Variants in NEBL observed in about 807,000 individuals in gnomAD.
The protein encoded by NEBL is LIM and SH3 protein 2.
In NEBL, 122 loss-of-function variants were observed where a neutral mutation model predicts 140.2. The ratio of observed to expected loss-of-function variants is 0.87; its 90% CI spans 0.75 to 1.01. The LOEUF is 1.01. Ranked by LOEUF, NEBL falls within the 50% of genes least tolerant of loss-of-function variation. The pLI is 0.00. For missense variants in NEBL, 1,365 were observed against 1,231.3 expected (o/e 1.11, Z -1.62); for synonymous variants, 436 against 398.9 (o/e 1.09, Z -1.11).
intron 3 of NEBL, among the ~76,000 whole-genome samples, chr10:21,229,191 C>T (rs952564361): frequency 6.6e-6 from 1 of 152,154 alleles, no homozygotes; most frequent in Non-Finnish European, 1.5e-5. Context: ...GAGGCCAAGG[C>T]GGGCAGATCA....
Position 20,840,807 on chromosome 10 carries a change from C to T in NEBL, c.1270G>A (p.Gly424Arg). Residue 424 changes from glycine (G) to arginine (R), a missense_variant, in exon 13 of 28, where the codon GGA becomes AGA. Gly to Arg is a moderately radical substitution (Grantham distance 125). Transcript: ENST00000377122. ...KDLENEIKGKGMELNSEVLDI... is the reference protein window; with the variant it reads ...KDLENEIKGKRMELNSEVLDI... ...AGAACTTCTGAATTAAGTTCCATTC[C>T]TTTCCCTTTTATCTCATTTTCCAAA... 6.2e-7 allele frequency: 1 copy of T among 1,610,618 alleles called. No individual in the cohort carries two copies. The highest frequency in any genetic ancestry group is 8.5e-7 in the Non-Finnish European group (1 of 1,177,656).
intron 2 of NEBL, among the ~76,000 whole-genome samples, chr10:21,248,434 G>A (rs989521038): frequency 3.3e-5 from 5 of 151,874 alleles, no homozygotes; most frequent in African/African-American, 1.2e-4. Context: ...GTCCCTTTGT[G>A]TCTGGCTTAT....
At chr10:20,823,181 T>A (rs56111406) in intron 19 of NEBL, 27 bp downstream of exon 19, 11 of 1,540,922 alleles carry the variant, frequency 7.1e-6, no homozygotes, top group Admixed American at 5.0e-5. Flanking sequence ...ATAAAATTTT[T>A]AAAAAATACT....
At chr10:21,069,910 CCT>C (rs1835737360) in intron 2 of NEBL, 1 of 427,672 alleles carries the variant, frequency 2.3e-6, no homozygotes, top group Non-Finnish European at 4.6e-6. Context: ...GCAATTTTCC[CCT>C]GATAGCGCAA....
At chr10:21,250,355 T>C (rs577005797) in intron 2 of NEBL, among the ~76,000 whole-genome samples, 2 of 152,302 alleles carry the variant, frequency 1.3e-5, no homozygotes, top group Non-Finnish European at 2.9e-5. Context: ...TGCTGGATGC[T>C]TCCTGCCCTG....
At chr10:20,989,208 G>T (rs1416162101) in intron 3 of NEBL, among the ~76,000 whole-genome samples, 2 of 152,112 alleles carry the variant, frequency 1.3e-5, no homozygotes, top group Non-Finnish European at 2.9e-5. Context: ...CTTGTCTCTC[G>T]AGGCAGCCAA....
intron 1 of NEBL, among the ~76,000 whole-genome samples, chr10:21,258,599 G>A (rs1379698221): frequency 6.6e-6 from 1 of 152,206 alleles, no homozygotes; most frequent in Admixed American, 6.5e-5. Context: ...CAGCTACTCA[G>A]GAGGCTGAGG....
intron 4 of NEBL, among the ~76,000 whole-genome samples, chr10:20,915,248 A>C (rs982498729): frequency 2.0e-5 from 3 of 151,898 alleles, no homozygotes; most frequent in Non-Finnish European, 4.4e-5. Flanking sequence ...AGGCTTTGAA[A>C]TTTTTTTTAT....
intron 4 of NEBL, among the ~76,000 whole-genome samples, chr10:20,945,861 T>C (rs957584148): frequency 3.3e-5 from 5 of 152,192 alleles, no homozygotes; most frequent in Admixed American, 6.5e-5. Context: ...ACCAACAAAC[T>C]TGGACTCCAG....
intron 2 of NEBL, among the ~76,000 whole-genome samples, chr10:21,087,962 C>CCACCA (rs1230228267): frequency 3.3e-5 from 5 of 152,166 alleles, no homozygotes; most frequent in Admixed American, 3.3e-4. Flanking sequence ...ACCGAAAATG[C>CCACCA]CACCACACTA....
At chr10:20,834,618 T>G (rs951821652) in intron 14 of NEBL, among the ~76,000 whole-genome samples, 1 of 152,184 alleles carries the variant, frequency 6.6e-6, no homozygotes. Flanking sequence ...TCTTCCTAAG[T>G]GCAAAGATCA....
At chr10:21,072,143 T>G (rs1263473487) in intron 2 of NEBL, among the ~76,000 whole-genome samples, 2 of 152,072 alleles carry the variant, frequency 1.3e-5, no homozygotes, top group Admixed American at 6.6e-5. Flanking sequence ...CAGGAGGTTC[T>G]GAAAGAGAAT....
rs546803247 is a variant in NEBL at position 21,272,714 on chromosome 10, A to G, written n.182+20116T>C. 5.3e-5 allele frequency among the ~76,000 whole-genome samples: 8 copies of G among 152,340 alleles called. 1 individual carries two copies. The South Asian group carries it at 1.7e-3, about 32-fold the overall frequency. On this transcript the variant is annotated intron_variant and non_coding_transcript_variant, in intron 1 of 8. Transcript: ENST00000675702. ...GCATCTGTAAATTGAGTATATTAAT[A>G]GCTCTCTTGCAGCATTATCTTAAAA...
At chr10:21,231,054 G>A (rs1245880040) in intron 3 of NEBL, among the ~76,000 whole-genome samples, 1 of 152,212 alleles carries the variant, frequency 6.6e-6, no homozygotes, top group Non-Finnish European at 1.5e-5. Flanking sequence ...AAAGTCAATT[G>A]ATTCACAATC....
intron 24 of NEBL, 52 bp from the exon 25 acceptor site, chr10:20,809,950 G>GAAAAAAAAAAAAAAAAAAAAAAA (rs200571909): frequency 2.9e-6 from 2 of 683,196 alleles, no homozygotes; most frequent in Admixed American, 2.8e-5. Context: ...TTTAAAAAAG[G>GAAAAAAAAAAAAAAAAAAAAAAA]AAAAAAAAAA....
At chr10:20,822,905 C>A (rs776394664) in intron 19 of NEBL, among the ~76,000 whole-genome samples, 6 of 151,962 alleles carry the variant, frequency 3.9e-5, no homozygotes, top group Non-Finnish European at 8.8e-5. Context: ...TACATTGTAC[C>A]CAACAATATT....
At chr10:20,877,411 A>T (rs1182759451) in intron 5 of NEBL, among the ~76,000 whole-genome samples, 1 of 152,214 alleles carries the variant, frequency 6.6e-6, no homozygotes, top group African/African-American at 2.4e-5. Flanking sequence ...GTTAAGAATA[A>T]AGTATTTAGG....
At chr10:21,142,838 G>A (rs1280002881) in intron 2 of NEBL, among the ~76,000 whole-genome samples, 2 of 152,072 alleles carry the variant, frequency 1.3e-5, no homozygotes, top group Non-Finnish European at 2.9e-5. Context: ...AAGATCTGAG[G>A]TGGGACAGTG....
At chr10:21,282,678 A>C (rs1843007414) in intron 1 of NEBL, among the ~76,000 whole-genome samples, 1 of 152,066 alleles carries the variant, frequency 6.6e-6, no homozygotes, top group Non-Finnish European at 1.5e-5. Flanking sequence ...AGGCGTGTGA[A>C]CCTCTGAGCA....
Sources: gnomAD v4.1 joint callset for allele counts (sites outside exome capture counted in the v4.1 genomes callset) on GRCh38, gnomAD v4.1.1 for gene constraint, MANE v1.5 for transcripts, NCBI Gene and HGNC (gene_info 2026-07-23, HGNC 2026-07-21) for gene names.